The following CYP4B1 variants were observed in gnomAD, a reference collection of about 807,000 sequenced individuals.
The protein encoded by CYP4B1 is cytochrome P450 family 4 subfamily B member 1.
A neutral mutation model predicts 54.0 loss-of-function variants in CYP4B1; 45 were observed. The ratio of observed to expected loss-of-function variants is 0.83; its 90% CI spans 0.66 to 1.07. The LOEUF (loss-of-function observed/expected upper bound fraction) is 1.07. Ranked by LOEUF, CYP4B1 falls within the 50% of genes least tolerant of loss-of-function variation. The pLI is 0.00. For synonymous variants in CYP4B1, 248 were observed against 247.5 expected, an observed-to-expected ratio of 1.00 and a Z score of -0.02; for missense variants, 656 against 655.4, an observed-to-expected ratio of 1.00 and a Z score of -0.01.
intron 8 of CYP4B1, 39 bp from the exon 9 acceptor site, chr1:46,817,009 C>G: frequency 6.2e-7 from 1 of 1,606,952 alleles, no homozygotes; most frequent in Non-Finnish European, 8.5e-7. Flanking sequence ...AATCCTGTTG[C>G]TTCCCATTCC....
chr1:46,811,725 T>C (rs753813536), intron 3 of CYP4B1, among the ~76,000 whole-genome samples: 15 of 152,170 alleles, frequency 9.9e-5, no homozygotes, highest in Admixed American at 2.0e-4. Flanking sequence ...CTTTTTCCTT[T>C]ACAGAGGTAC....
At position 46,814,363 on chromosome 1, in the gene CYP4B1, G is replaced by C. The variant is rs777081248; in HGVS notation, c.882+48G>C. The C allele has an allele frequency of 1.1e-5, 15 of 1,415,684 alleles. No individual in the cohort carries two copies. The South Asian group carries it at 1.8e-4, about 17-fold the overall frequency. The allele number at this position is 1,415,684 out of a possible 1,614,324, so 87.7% of individuals were successfully genotyped here. A position where few individuals can be genotyped will look rare whatever the true frequency, so the allele number is the denominator to read the frequency against. ...CTACCTGAGGACTGGTCCCAGAGAGGTCTTCAACCATCCTCCCAGGACAGC... is the reference window on the plus strand; with the variant it reads ...CTACCTGAGGACTGGTCCCAGAGAGCTCTTCAACCATCCTCCCAGGACAGC... On this transcript the variant is annotated intron_variant, in intron 7 of 11. Coordinates refer to ENST00000371923, the MANE Select transcript of CYP4B1 (RefSeq NM_001099772.2).
chr1:46,812,748 C>T, intron 4 of CYP4B1, 125 bp downstream of exon 4: 8 of 1,100,774 alleles, frequency 7.3e-6, no homozygotes, highest in Non-Finnish European at 1.0e-5. Flanking sequence ...GCCCCAAGGC[C>T]TGTTCTGCCT....
intron 1 of CYP4B1, among the ~76,000 whole-genome samples, chr1:46,805,242 C>T (rs758252858): frequency 4.6e-5 from 7 of 152,358 alleles, no homozygotes; most frequent in Middle Eastern, 3.4e-3. Context: ...TGTTTTCCTG[C>T]ATTCCTCCTC....
At chr1:46,809,071 T>C (rs1678981644) in intron 1 of CYP4B1, among the ~76,000 whole-genome samples, 1 of 151,368 alleles carries the variant, frequency 6.6e-6, no homozygotes, top group Non-Finnish European at 1.5e-5. Flanking sequence ...TATACATATG[T>C]AACTAACCTG....
rs144659997 is a variant in CYP4B1, at chr1:46,813,964, C to A, written c.676C>A (p.Arg226Ser). Residue 226 changes from arginine to serine, a missense_variant, in exon 6 of 12, where the codon CGC (arginine) becomes AGC (serine). Arg to Ser is a moderately radical substitution (Grantham distance 110). Transcript: ENST00000371923. ...VSDLTLLMQQ[R>S]LVSFQYHNDF... ...CGATCTCACTCTGTTGATGCAGCAG[C>A]GCCTTGTGTCCTTCCAGTACCATAA... 2 of 1,614,144 alleles carry A rather than the reference C, an allele frequency of 1.2e-6. No homozygotes were observed. Among genetic ancestry groups the A allele is most frequent in the South Asian group, 1.1e-5 (1 of 91,072 alleles).
At chr1:46,802,134 A>G (rs1279560846) in intron 1 of CYP4B1, among the ~76,000 whole-genome samples, 1 of 152,136 alleles carries the variant, frequency 6.6e-6, no homozygotes, top group African/African-American at 2.4e-5. Flanking sequence ...GTGCTCAGCT[A>G]TATTGTTGGC....
chr1:46,808,175 C>T lies in CYP4B1; in HGVS notation c.181-2633C>T, dbSNP rs9727184. On this transcript the variant is annotated intron_variant, in intron 1 of 11. Coordinates refer to ENST00000371923, the MANE Select transcript of CYP4B1 (RefSeq NM_001099772.2). Reference sequence around the variant, plus strand: ...GTGCCAGACTCTTTTTAACAAACAGCTCTCAAATGGTATTTCTAGTTCTAG... The same window carrying T: ...GTGCCAGACTCTTTTTAACAAACAGTTCTCAAATGGTATTTCTAGTTCTAG... Among the ~76,000 whole-genome samples, 1,228 of 152,202 alleles carry T rather than the reference C, an allele frequency of 8.1e-3. 20 individuals are homozygous for T. Among genetic ancestry groups the T allele is most frequent in the African/African-American group, 0.029 (1,191 of 41,536 alleles).
In CYP4B1 at chr1:46,810,952, G is replaced by A; in HGVS notation, c.322+3G>A. On this transcript the variant is annotated splice_donor_region_variant and intron_variant, in intron 2 of 11. Transcript: ENST00000371923. Reference sequence around the variant, plus strand: ...CAAAGCTGTGTACAGCCGTGGGGGTGAGGAGAGAGGATGGGGATCTCAGGA... The same window carrying A: ...CAAAGCTGTGTACAGCCGTGGGGGTAAGGAGAGAGGATGGGGATCTCAGGA... 1 of 1,613,898 alleles carries A rather than the reference G, an allele frequency of 6.2e-7. No individual in the cohort carries two copies. Among genetic ancestry groups the A allele is most frequent in the Non-Finnish European group, 8.5e-7 (1 of 1,179,966 alleles).
chr1:46,812,246 G>A (rs1227545626), intron 3 of CYP4B1: 1 of 639,176 alleles, frequency 1.6e-6, no homozygotes, highest in South Asian at 1.5e-5. Context: ...CAGGCTTTGT[G>A]GGTGCAGCTG....
At chr1:46,817,816 C>T (rs140802640) in intron 9 of CYP4B1, 149 bp from the exon 10 acceptor site, 530 of 703,686 alleles carry the variant, frequency 7.5e-4, no homozygotes, top group Non-Finnish European at 8.7e-4. Flanking sequence ...TGTGATGAGT[C>T]GGATGTGGTC....
chr1:46,817,900 C>G, intron 9 of CYP4B1, 65 bp from the exon 10 acceptor site: 1 of 1,453,652 alleles, frequency 6.9e-7, no homozygotes, highest in South Asian at 1.1e-5. Flanking sequence ...GGGACTCTGA[C>G]CTTATGTGGA....
chr1:46,813,662 G>A (rs903748952), intron 5 of CYP4B1, 56 bp downstream of exon 5: 1 of 1,606,422 alleles, frequency 6.2e-7, no homozygotes, highest in Non-Finnish European at 8.5e-7. Flanking sequence ...TTAGAGGGGA[G>A]AGTTGGCAGG....
Position 46,815,314 on chromosome 1 carries a change from C to T in CYP4B1, c.1073+50C>T, listed in dbSNP as rs1185584381. ...TATCCTGCTCAGCCCTTGGGAAGGG[C>T]GATGCCCATCCTGTCCTGAACCATC... On this transcript the variant is annotated intron_variant, in intron 8 of 11. Coordinates refer to ENST00000371923, the MANE Select transcript of CYP4B1 (RefSeq NM_001099772.2). 8 of 1,479,006 alleles carry T rather than the reference C, an allele frequency of 5.4e-6. No individual in the cohort carries two copies. The highest frequency in any genetic ancestry group is 2.4e-5 in the East Asian group (1 of 42,138). 91.6% of individuals were successfully genotyped at this position (1,479,006 alleles called of 1,614,324 possible). A position where few individuals can be genotyped will look rare whatever the true frequency, so the allele number is the denominator to read the frequency against.
At position 46,811,004 on chromosome 1, in the gene CYP4B1, G is replaced by C; in HGVS notation, c.322+55G>C. 5.0e-6 allele frequency: 8 copies of C among 1,605,014 alleles called. No homozygotes were observed. In the South Asian group the frequency reaches 8.8e-5, roughly 18 times the overall value. ...AGGGTGGGGCTTCCTGAGAACAAAG[G>C]GCTCAGGGCATGATATGGGGAGGAA... On this transcript the variant is annotated intron_variant, in intron 2 of 11. Coordinates refer to ENST00000371923, the MANE Select transcript of CYP4B1 (RefSeq NM_001099772.2).
Position 46,811,122 on chromosome 1 carries a change from G to A in CYP4B1, c.323-18G>A. On this transcript the variant is annotated intron_variant, in intron 2 of 11. Coordinates refer to ENST00000371923, the MANE Select transcript of CYP4B1 (RefSeq NM_001099772.2). The stretch of plus-strand genomic sequence containing the variant: ...GGAACCCCGGGTCCCTGCTTGACCT[G>A]ATTGTCTCCTCCTGCAGACCCTAAG... 1.2e-6 allele frequency: 2 copies of A among 1,614,096 alleles called. No individual in the cohort carries two copies. The highest frequency in any genetic ancestry group is 1.3e-5 in the African/African-American group (1 of 75,020).
At chr1:46,812,358 T>G in intron 3 of CYP4B1, 138 bp from the exon 4 acceptor site, 1 of 951,042 alleles carries the variant, frequency 1.1e-6, no homozygotes, top group African/African-American at 1.6e-5. Flanking sequence ...GGTGAGGGCA[T>G]GGAGGGCAAT....
intron 11 of CYP4B1, 64 bp from the exon 12 acceptor site, chr1:46,818,567 A>G: frequency 6.6e-7 from 1 of 1,514,294 alleles, no homozygotes. Context: ...GGCTGCTAAG[A>G]GCACTGAATG....
intron 8 of CYP4B1, 65 bp downstream of exon 8, chr1:46,815,329 C>T (rs1679295324): frequency 7.2e-7 from 1 of 1,392,192 alleles, no homozygotes; most frequent in African/African-American, 1.5e-5. Flanking sequence ...CCCATCCTGT[C>T]CTGAACCATC....
Sources: gnomAD v4.1 joint callset for allele counts (sites outside exome capture counted in the v4.1 genomes callset) on GRCh38, gnomAD v4.1.1 for gene constraint, MANE v1.5 for transcripts, NCBI Gene and HGNC (gene_info 2026-07-23, HGNC 2026-07-21) for gene names.